Variants in FHIT observed in about 807,000 individuals in gnomAD.
FHIT encodes fragile histidine triad diadenosine triphosphatase.
Under a neutral mutation model 17.9 loss-of-function variants are expected in FHIT, and 19 were observed. That is an observed-to-expected ratio of 1.06 (90% CI 0.74 to 1.56). The LOEUF (loss-of-function observed/expected upper bound fraction) is 1.56. FHIT is among the 40% of genes most tolerant of loss of function. FHIT has a pLI of 0.00. For missense variants in FHIT, 248 were observed against 189.2 expected, an observed-to-expected ratio of 1.31 and a Z score of -1.82; for synonymous variants, 81 against 69.7, an observed-to-expected ratio of 1.16 and a Z score of -0.81.
At chr3:60,865,965 C>T (rs1455182012) in intron 3 of FHIT, among the ~76,000 whole-genome samples, 1 of 151,926 alleles carries the variant, frequency 6.6e-6, no homozygotes, top group Non-Finnish European at 1.5e-5. Context: ...GGTCAAAATC[C>T]TCCTGTTCTA....
chr3:61,073,604 C>T (rs908522751), intron 2 of FHIT, among the ~76,000 whole-genome samples: 3 of 152,140 alleles, frequency 2.0e-5, no homozygotes, highest in African/African-American at 7.2e-5. Flanking sequence ...AAAAATCACC[C>T]TACCAGCACT....
At chr3:60,252,125 A>G (rs990912896) in intron 5 of FHIT, among the ~76,000 whole-genome samples, 1 of 152,226 alleles carries the variant, frequency 6.6e-6, no homozygotes, top group Admixed American at 6.5e-5. Context: ...TAATGTATTA[A>G]TTCAAAAATA....
At chr3:61,159,901 A>T (rs2037638801) in intron 2 of FHIT, among the ~76,000 whole-genome samples, 1 of 152,230 alleles carries the variant, frequency 6.6e-6, no homozygotes, top group South Asian at 2.1e-4. Flanking sequence ...GCCTATGTGC[A>T]CATGCCTCTT....
chr3:61,212,542 T>A (rs2039517339), intron 1 of FHIT, among the ~76,000 whole-genome samples: 1 of 152,164 alleles, frequency 6.6e-6, no homozygotes, highest in Admixed American at 6.5e-5. Flanking sequence ...TACCTGAAAG[T>A]GATGGGGAGA....
At chr3:60,119,171 T>G (rs934148406) in intron 5 of FHIT, among the ~76,000 whole-genome samples, 1 of 151,888 alleles carries the variant, frequency 6.6e-6, no homozygotes, top group Admixed American at 6.5e-5. Flanking sequence ...CCTCCCAGGT[T>G]CAAGTGATTC....
intron 4 of FHIT, among the ~76,000 whole-genome samples, chr3:60,721,593 C>T (rs1577115901): frequency 6.6e-6 from 1 of 152,154 alleles, no homozygotes; most frequent in East Asian, 1.9e-4. Context: ...AATTCCCCCT[C>T]CCCCTGTTCC....
chr3:60,423,147 T>C (rs1702538100), intron 5 of FHIT, among the ~76,000 whole-genome samples: 1 of 152,008 alleles, frequency 6.6e-6, no homozygotes, highest in South Asian at 2.1e-4. Context: ...CAGCCTCAAG[T>C]GAATTAAGCA....
chr3:60,807,451 T>C (rs1417940547), intron 4 of FHIT, among the ~76,000 whole-genome samples: 1 of 151,228 alleles, frequency 6.6e-6, no homozygotes, highest in Non-Finnish European at 1.5e-5. Flanking sequence ...TAGCTGGGTA[T>C]GGTGGCATGT....
intron 3 of FHIT, among the ~76,000 whole-genome samples, chr3:60,910,891 G>T (rs140292588): frequency 8.5e-5 from 13 of 152,138 alleles, no homozygotes; most frequent in African/African-American, 3.1e-4. Context: ...CACCCCACTG[G>T]ACCTGCAATT....
At chr3:60,830,051 T>C (rs898002528) in intron 3 of FHIT, among the ~76,000 whole-genome samples, 2 of 152,116 alleles carry the variant, frequency 1.3e-5, no homozygotes, top group Non-Finnish European at 2.9e-5. Context: ...ACCATACTTT[T>C]CCTGGGCATC....
At chr3:60,747,763 A>C (rs2042388066) in intron 4 of FHIT, among the ~76,000 whole-genome samples, 1 of 152,178 alleles carries the variant, frequency 6.6e-6, no homozygotes. Context: ...CTGTAACTTG[A>C]TAATATTATC....
intron 5 of FHIT, among the ~76,000 whole-genome samples, chr3:60,018,075 G>C (rs1270099481): frequency 6.6e-6 from 1 of 152,208 alleles, no homozygotes; most frequent in Non-Finnish European, 1.5e-5. Context: ...AGTTCTGAAG[G>C]CTGTCCAAGA....
intron 3 of FHIT, among the ~76,000 whole-genome samples, chr3:60,947,424 A>T (rs73100064): frequency 0.076 from 11,495 of 152,234 alleles, 635 homozygotes; most frequent in East Asian, 0.17. Context: ...TCTATATCTA[A>T]CAAAGGAAAA....
intron 3 of FHIT, among the ~76,000 whole-genome samples, chr3:61,013,355 C>T (rs1282799040): frequency 6.6e-6 from 1 of 152,162 alleles, no homozygotes; most frequent in Non-Finnish European, 1.5e-5. Context: ...ATAAACTTTC[C>T]AAACAAATAT....
At chr3:60,026,625 G>C (rs189138980) in intron 5 of FHIT, among the ~76,000 whole-genome samples, 7 of 151,936 alleles carry the variant, frequency 4.6e-5, no homozygotes, top group Non-Finnish European at 7.4e-5. Context: ...TCTAACTTAC[G>C]ACTTTTTCAA....
chr3:59,828,816 G>C (rs1002509577), intron 8 of FHIT, among the ~76,000 whole-genome samples: 3 of 140,910 alleles, frequency 2.1e-5, no homozygotes, highest in African/African-American at 5.5e-5. Flanking sequence ...GAGGTTTTTT[G>C]TTTTTGTTTT....
chr3:61,014,611 C>G (rs1403933962), intron 3 of FHIT, among the ~76,000 whole-genome samples: 1 of 150,884 alleles, frequency 6.6e-6, no homozygotes, highest in Non-Finnish European at 1.5e-5. Flanking sequence ...AACCCCGTCT[C>G]TACTAAAAAT....
At chr3:60,661,196 C>T (rs1553691077) in intron 4 of FHIT, among the ~76,000 whole-genome samples, 1 of 152,050 alleles carries the variant, frequency 6.6e-6, no homozygotes, top group Non-Finnish European at 1.5e-5. Flanking sequence ...GTCTCTCATC[C>T]TTCACCTCCC....
intron 5 of FHIT, among the ~76,000 whole-genome samples, chr3:60,234,357 A>G (rs1487371221): frequency 6.6e-6 from 1 of 152,220 alleles, no homozygotes; most frequent in Non-Finnish European, 1.5e-5. Flanking sequence ...ACTTACACAT[A>G]TTAACACAAT....
Sources: gnomAD v4.1 joint callset for allele counts (sites outside exome capture counted in the v4.1 genomes callset) on GRCh38, gnomAD v4.1.1 for gene constraint, MANE v1.5 for transcripts, NCBI Gene and HGNC (gene_info 2026-07-23, HGNC 2026-07-21) for gene names.